Variants in CDK14 observed in about 807,000 individuals in gnomAD.
CDK14 encodes the protein cyclin-dependent kinase 14.
Under a neutral mutation model 60.7 loss-of-function variants are expected in CDK14, and 34 were observed. The observed-to-expected ratio is 0.56, with a 90% confidence interval of 0.43 to 0.75. The LOEUF (loss-of-function observed/expected upper bound fraction) is 0.75. Among genes scored for constraint, CDK14 ranks in the 30% least tolerant of loss-of-function variants. The probability of loss-of-function intolerance (pLI) is 0.00; values close to 1 mark genes in which losing one functional copy is unlikely to be tolerated. For synonymous variants in CDK14, 197 were observed against 203.7 expected, an observed-to-expected ratio of 0.97 and a Z score of 0.28; for missense variants, 482 against 564.1, an observed-to-expected ratio of 0.85 and a Z score of 1.47.
At chr7:91,128,608 AT>A (rs1266826051) in intron 14 of CDK14, among the ~76,000 whole-genome samples, 6 of 152,174 alleles carry the variant, frequency 3.9e-5, no homozygotes, top group Non-Finnish European at 8.8e-5. Flanking sequence ...TGTCAAAAAA[AT>A]GTTATAATAA....
At chr7:90,935,806 T>G (rs1387235271) in intron 8 of CDK14, among the ~76,000 whole-genome samples, 1 of 152,180 alleles carries the variant, frequency 6.6e-6, no homozygotes, top group Non-Finnish European at 1.5e-5. Flanking sequence ...CCCAGTGCTT[T>G]GGGAGGCTGA....
chr7:90,638,657 C>T (rs556219434), intron 2 of CDK14, among the ~76,000 whole-genome samples: 1 of 152,132 alleles, frequency 6.6e-6, no homozygotes, highest in Non-Finnish European at 1.5e-5. Context: ...CTCTGTATTT[C>T]CTGAATCTGA....
chr7:91,187,311 C>T (rs1802220820), intron 14 of CDK14, among the ~76,000 whole-genome samples: 1 of 152,142 alleles, frequency 6.6e-6, no homozygotes, highest in Non-Finnish European at 1.5e-5. Context: ...TTAGTGAGGG[C>T]ATATATCATG....
Position 90,955,277 on chromosome 7 carries a change from A to G in CDK14, c.827-420A>G, listed in dbSNP as rs969764980. Among the ~76,000 whole-genome samples the G allele has an allele frequency of 3.9e-5, 6 of 152,168 alleles. No homozygotes were observed. The South Asian group carries it at 1.2e-3, about 31-fold the overall frequency. On this transcript the variant is annotated intron_variant, in intron 8 of 14. Transcript: ENST00000380050. ...CAGATTCACAATACGCATTAGAACAATTAAGAAAACTGAGAAGTTTCACAA... is the reference window on the plus strand; with the variant it reads ...CAGATTCACAATACGCATTAGAACAGTTAAGAAAACTGAGAAGTTTCACAA...
intron 14 of CDK14, among the ~76,000 whole-genome samples, chr7:91,157,721 G>T (rs1801025023): frequency 6.6e-6 from 1 of 152,150 alleles, no homozygotes; most frequent in Non-Finnish European, 1.5e-5. Context: ...TACATGTAAA[G>T]CTCTTAGACT....
At chr7:91,128,688 C>A (rs1025779212) in intron 14 of CDK14, among the ~76,000 whole-genome samples, 3 of 151,204 alleles carry the variant, frequency 2.0e-5, no homozygotes, top group Non-Finnish European at 4.4e-5. Context: ...GTAAGAAGCC[C>A]TTACCGTAAA....
chr7:90,966,305 A>C (rs1794748957), intron 9 of CDK14, among the ~76,000 whole-genome samples: 1 of 152,024 alleles, frequency 6.6e-6, no homozygotes, highest in Non-Finnish European at 1.5e-5. Flanking sequence ...GGGGATGGGG[A>C]CATTTTTTGG....
At chr7:90,780,575 C>G (rs1043276809) in intron 4 of CDK14, among the ~76,000 whole-genome samples, 1 of 120,030 alleles carries the variant, frequency 8.3e-6, no homozygotes, top group Non-Finnish European at 1.7e-5. Flanking sequence ...TCCCTCCCCC[C>G]TCCCCCCACC....
intron 12 of CDK14, among the ~76,000 whole-genome samples, chr7:91,100,511 T>C (rs1316007663): frequency 1.3e-5 from 2 of 152,132 alleles, no homozygotes; most frequent in Non-Finnish European, 2.9e-5. Flanking sequence ...AACAAATTCA[T>C]ATATATTAGT....
intron 14 of CDK14, among the ~76,000 whole-genome samples, chr7:91,201,490 G>A (rs1229286354): frequency 6.6e-6 from 1 of 151,258 alleles, no homozygotes; most frequent in Non-Finnish European, 1.5e-5. Context: ...GAGTTGTCTT[G>A]TAGAAAAAAG....
chr7:90,633,557 G>A (rs1800054619), intron 2 of CDK14, among the ~76,000 whole-genome samples: 1 of 152,142 alleles, frequency 6.6e-6, no homozygotes, highest in Non-Finnish European at 1.5e-5. Flanking sequence ...GATTGCTACT[G>A]TTCCATTTAT....
intron 12 of CDK14, among the ~76,000 whole-genome samples, chr7:91,093,308 A>C (rs1420630226): frequency 6.6e-6 from 1 of 152,230 alleles, no homozygotes; most frequent in Non-Finnish European, 1.5e-5. Context: ...CCTGGTGCCT[A>C]CTAGGCAGGA....
chr7:90,954,594 A>T (rs1794352957), intron 8 of CDK14, among the ~76,000 whole-genome samples: 1 of 151,508 alleles, frequency 6.6e-6, no homozygotes, highest in African/African-American at 2.4e-5. Flanking sequence ...AGACATTTAA[A>T]TGTATTTTCT....
At chr7:90,596,929 GT>G (rs1799199940) in intron 1 of CDK14, among the ~76,000 whole-genome samples, 1 of 152,142 alleles carries the variant, frequency 6.6e-6, no homozygotes, top group African/African-American at 2.4e-5. Flanking sequence ...GGGTTCATTT[GT>G]AGATTCTCTC....
At chr7:90,624,754 C>T (rs918938959) in intron 2 of CDK14, among the ~76,000 whole-genome samples, 6 of 152,210 alleles carry the variant, frequency 3.9e-5, no homozygotes, top group Non-Finnish European at 7.3e-5. Flanking sequence ...CATGAACAGA[C>T]AGTTGCTTAA....
intron 5 of CDK14, among the ~76,000 whole-genome samples, chr7:90,829,872 C>G (rs1218977014): frequency 2.0e-5 from 3 of 152,206 alleles, no homozygotes; most frequent in African/African-American, 7.2e-5. Context: ...ACCTTTGACT[C>G]CATATCTCAC....
At chr7:91,083,286 A>G (rs1196646734) in intron 12 of CDK14, among the ~76,000 whole-genome samples, 2 of 152,182 alleles carry the variant, frequency 1.3e-5, no homozygotes, top group Non-Finnish European at 2.9e-5. Flanking sequence ...AGCAGACACT[A>G]AAGCAGACCT....
chr7:90,617,213 G>T (rs1471314607), intron 2 of CDK14, among the ~76,000 whole-genome samples: 1 of 151,974 alleles, frequency 6.6e-6, no homozygotes, highest in African/African-American at 2.4e-5. Flanking sequence ...ACAACAAATG[G>T]ATAATGGGGA....
At chr7:90,617,400 A>G (rs948210014) in intron 2 of CDK14, among the ~76,000 whole-genome samples, 8 of 152,120 alleles carry the variant, frequency 5.3e-5, no homozygotes, top group Non-Finnish European at 1.2e-4. Flanking sequence ...TATAGTTGGG[A>G]AAACAAAGTT....
Sources: gnomAD v4.1 joint callset for allele counts (sites outside exome capture counted in the v4.1 genomes callset) on GRCh38, gnomAD v4.1.1 for gene constraint, MANE v1.5 for transcripts, NCBI Gene and HGNC (gene_info 2026-07-23, HGNC 2026-07-21) for gene names.